The following ARHGAP1 variants were observed in gnomAD, a reference collection of about 807,000 sequenced individuals.
ARHGAP1 encodes rho GTPase-activating protein 1.
In ARHGAP1, 23 loss-of-function variants were observed where a neutral mutation model predicts 52.2. The ratio of observed to expected loss-of-function variants is 0.44; its 90% CI spans 0.32 to 0.62. The LOEUF (loss-of-function observed/expected upper bound fraction) is 0.62, where lower values mean the gene tolerates loss of function less well. Ranked by LOEUF, ARHGAP1 falls within the 20% of genes least tolerant of loss-of-function variation. ARHGAP1 has a pLI of 0.05. For synonymous variants in ARHGAP1, 210 were observed against 228.4 expected, an observed-to-expected ratio of 0.92 and a Z score of 0.73; for missense variants, 480 against 560.9, an observed-to-expected ratio of 0.86 and a Z score of 1.46.
chr11:46,690,256 G>A (rs1394097963), intron 3 of ARHGAP1, among the ~76,000 whole-genome samples: 2 of 151,958 alleles, frequency 1.3e-5, no homozygotes, highest in Non-Finnish European at 2.9e-5. Flanking sequence ...GTGTGGTGGC[G>A]GGCACCTGTA....
intron 3 of ARHGAP1, among the ~76,000 whole-genome samples, chr11:46,691,006 C>A (rs2064610127): frequency 6.6e-6 from 1 of 152,136 alleles, no homozygotes. Context: ...TTTAGCCTCC[C>A]ATGTCCTGAG....
Position 46,681,406 on chromosome 11 carries a change from G to A in ARHGAP1, c.450-27C>T. 1.3e-6 allele frequency: 2 copies of A among 1,558,812 alleles called. No homozygotes were observed. Among genetic ancestry groups the A allele is most frequent in the African/African-American group, 2.7e-5 (2 of 73,780 alleles). On this transcript the variant is annotated intron_variant, in intron 5 of 12. Transcript: ENST00000311956. This position sits in a 1 kb window ranked among gnomAD's most constrained non-coding sequence, Gnocchi z 5.7. ...TGCAGAGACAGAATGGACAACTCAG[G>A]AGCAGGCGTGGTGGGACAGGTGCCA...
At position 46,682,079 on chromosome 11, in the gene ARHGAP1, G is replaced by T. The variant is rs1341316225; in HGVS notation, c.421C>A (p.Arg141Ser). The T allele has an allele frequency of 6.2e-7, 1 of 1,614,034 alleles. No homozygotes were observed. The highest frequency in any genetic ancestry group is 1.7e-5 in the Admixed American group (1 of 60,004). Residue 141 changes from arginine to serine, a missense_variant, in exon 5 of 13, where the codon CGT (arginine) becomes AGT (serine). Physicochemically the swap from Arg to Ser is moderately radical, Grantham distance 110. Transcript: ENST00000311956. ...SDNKPSLSWL[R>S]DAYREFDRKY... is the part of the protein sequence containing the mutation. ...CGGTCAAACTCCCGGTAGGCATCACGGAGCCAGCTGAGGGAGGGCTTGTTG... is the reference window on the plus strand; with the variant it reads ...CGGTCAAACTCCCGGTAGGCATCACTGAGCCAGCTGAGGGAGGGCTTGTTG...
At chr11:46,688,027 A>G (rs2064584528) in intron 4 of ARHGAP1, 146 bp downstream of exon 4, 1 of 743,178 alleles carries the variant, frequency 1.3e-6, no homozygotes, top group Non-Finnish European at 2.2e-6. Flanking sequence ...TCCCCTAAAT[A>G]TAAACCAGCT....
intron 4 of ARHGAP1, among the ~76,000 whole-genome samples, chr11:46,684,385 C>T (rs1281772514): frequency 2.0e-5 from 3 of 152,134 alleles, no homozygotes; most frequent in African/African-American, 7.2e-5. Flanking sequence ...CTCTCTGACC[C>T]TGTAAAAATA....
intron 3 of ARHGAP1, among the ~76,000 whole-genome samples, chr11:46,691,998 A>G (rs2064618386): frequency 6.6e-6 from 1 of 152,202 alleles, no homozygotes; most frequent in Admixed American, 6.5e-5. Flanking sequence ...AGAATCCTCT[A>G]CCAGCTTGTC....
intron 3 of ARHGAP1, among the ~76,000 whole-genome samples, chr11:46,689,526 T>C (rs1386601958): frequency 6.6e-6 from 1 of 152,168 alleles, no homozygotes; most frequent in African/African-American, 2.4e-5. Context: ...TATGTGATTC[T>C]TATCTCAAAT....
intron 4 of ARHGAP1, among the ~76,000 whole-genome samples, chr11:46,686,577 G>A (rs1022861763): frequency 6.6e-6 from 1 of 151,946 alleles, no homozygotes; most frequent in Non-Finnish European, 1.5e-5. Flanking sequence ...CACCACGCCT[G>A]GCTAATCTTT....
rs996774309 is a variant in ARHGAP1, at chr11:46,696,974, T to C, written c.-49-818A>G. On this transcript the variant is annotated intron_variant, in intron 1 of 12. Coordinates refer to ENST00000311956, the MANE Select transcript of ARHGAP1 (RefSeq NM_004308.5). The surrounding 1 kb of genome is among the most constrained non-coding windows in gnomAD (Gnocchi z 4.8). The stretch of plus-strand genomic sequence containing the variant: ...GGGATGTGGAATCGCCTGCCAGTCA[T>C]TGCAGACAGTCTGCAGGCTCCTAGG... The C allele has an allele frequency of 5.9e-5, 9 of 152,258 alleles. No individual in the cohort carries two copies. Among genetic ancestry groups the C allele is most frequent in the African/African-American group, 1.7e-4 (7 of 41,448 alleles). The allele number at this position is 152,258 out of a possible 1,614,324, so 9.4% of individuals were successfully genotyped here.
chr11:46,691,420 G>T (rs1262711343), intron 3 of ARHGAP1, among the ~76,000 whole-genome samples: 1 of 151,588 alleles, frequency 6.6e-6, no homozygotes, highest in East Asian at 1.9e-4. Context: ...AAGTAGCAGG[G>T]ACTACAGGCA....
chr11:46,700,391 C>T (rs1468067777), intron 1 of ARHGAP1, among the ~76,000 whole-genome samples, 160 bp downstream of exon 1: 2 of 152,214 alleles, frequency 1.3e-5, no homozygotes, highest in Admixed American at 6.5e-5. Flanking sequence ...GGGCAGAAAC[C>T]CTGCAGGAAG....
rs1169122196 is a variant in ARHGAP1 at position 46,679,501 on chromosome 11, C to T, written c.1028-33G>A. 1.7e-5 allele frequency: 28 copies of T among 1,611,638 alleles called. No individual in the cohort carries two copies. The highest frequency in any genetic ancestry group is 2.1e-5 in the Non-Finnish European group (25 of 1,178,262). Reference sequence around the variant, plus strand: ...GAAAGGAGGCCCGGGTTATAGGGGCCCTAGGCTGGGCTGGTTCAGGACGCT... The same window carrying T: ...GAAAGGAGGCCCGGGTTATAGGGGCTCTAGGCTGGGCTGGTTCAGGACGCT... On this transcript the variant is annotated intron_variant, in intron 11 of 12. Coordinates refer to ENST00000311956, the MANE Select transcript of ARHGAP1 (RefSeq NM_004308.5). The surrounding 1 kb of genome is among the most constrained non-coding windows in gnomAD (Gnocchi z 4.4).
rs1249475417 is a variant in ARHGAP1, at chr11:46,680,628, TTTCA to T, written c.743+8_743+11del. ...CCCGCCCCGCCGTGGCCCAGCCACCTTTCATACTTACTGCTGCAGCGAGACTCCA... is the reference window on the plus strand; with the variant it reads ...CCCGCCCCGCCGTGGCCCAGCCACCTTACTTACTGCTGCAGCGAGACTCCA... On this transcript the variant is annotated splice_region_variant and intron_variant, in intron 8 of 12. Coordinates refer to ENST00000311956, the MANE Select transcript of ARHGAP1 (RefSeq NM_004308.5). The surrounding 1 kb of genome is among the most constrained non-coding windows in gnomAD (Gnocchi z 5.9). The T allele has an allele frequency of 6.2e-7, 1 of 1,613,690 alleles. No individual in the cohort carries two copies. The highest frequency in any genetic ancestry group is 2.2e-5 in the East Asian group (1 of 44,872).
intron 4 of ARHGAP1, among the ~76,000 whole-genome samples, chr11:46,683,802 A>C (rs1206600227): frequency 2.0e-5 from 3 of 152,094 alleles, no homozygotes; most frequent in African/African-American, 7.2e-5. Flanking sequence ...CACCACGCCC[A>C]GCTAATTTTG....
rs929772768 is a variant in ARHGAP1, at chr11:46,681,775, C to T, written c.449+276G>A. 1.3e-5 allele frequency among the ~76,000 whole-genome samples: 2 copies of T among 152,118 alleles called. No homozygotes were observed. Among genetic ancestry groups the T allele is most frequent in the Admixed American group, 6.6e-5 (1 of 15,264 alleles). Reference sequence around the variant, plus strand: ...GATTTGAACATGCATGGCCAGCATGCGAGGTAAGGGCCATCACTGTCTCAT... The same window carrying T: ...GATTTGAACATGCATGGCCAGCATGTGAGGTAAGGGCCATCACTGTCTCAT... On this transcript the variant is annotated intron_variant, in intron 5 of 12. Coordinates refer to ENST00000311956, the MANE Select transcript of ARHGAP1 (RefSeq NM_004308.5). This position sits in a 1 kb window ranked among gnomAD's most constrained non-coding sequence, Gnocchi z 5.7.
chr11:46,682,884 T>G (rs1234438749), intron 4 of ARHGAP1, among the ~76,000 whole-genome samples: 1 of 152,174 alleles, frequency 6.6e-6, no homozygotes, highest in African/African-American at 2.4e-5. Flanking sequence ...TGCCAAGCAC[T>G]TCACATACAT....
rs1592381463 is a variant in ARHGAP1, at chr11:46,677,933, A to T, written c.*1104T>A. On this transcript the variant is annotated 3_prime_UTR_variant, in exon 13 of 13. Transcript: ENST00000311956. ...CACTCCAGCCTGGTGACAGAGCGAG[A>T]CTCCATCTCAGAAAAAAAAAAAAAA... The T allele has an allele frequency of 2.3e-6, 1 of 429,838 alleles. No individual in the cohort carries two copies. Among genetic ancestry groups the T allele is most frequent in the Non-Finnish European group, 4.6e-6 (1 of 218,428 alleles). 26.6% of individuals were successfully genotyped at this position (429,838 alleles called of 1,614,324 possible). A position where few individuals can be genotyped will look rare whatever the true frequency, so the allele number is the denominator to read the frequency against.
chr11:46,696,375 G>A lies in ARHGAP1; in HGVS notation c.-49-219C>T, dbSNP rs1332066228. On this transcript the variant is annotated intron_variant, in intron 1 of 12. Transcript: ENST00000311956. This position sits in a 1 kb window ranked among gnomAD's most constrained non-coding sequence, Gnocchi z 4.8. ...AGAAAAGGCAGCTGGGGCAGAGGAT[G>A]GCACAGCTCAGCGCCTCCCTCCAGG... Among the ~76,000 whole-genome samples the A allele has an allele frequency of 6.6e-6, 1 of 152,160 alleles. No individual in the cohort carries two copies. The highest frequency in any genetic ancestry group is 1.5e-5 in the Non-Finnish European group (1 of 68,016).
chr11:46,694,242 C>T (rs2064635787), intron 3 of ARHGAP1, among the ~76,000 whole-genome samples: 1 of 152,116 alleles, frequency 6.6e-6, no homozygotes, highest in African/African-American at 2.4e-5. Context: ...CACAGCCTCC[C>T]CCACCCCCAT....
Sources: gnomAD v4.1 joint callset for allele counts (sites outside exome capture counted in the v4.1 genomes callset) on GRCh38, gnomAD v4.1.1 for gene constraint, Gnocchi (gnomAD v3.1) non-coding constraint, MANE v1.5 for transcripts, NCBI Gene and HGNC (gene_info 2026-07-23, HGNC 2026-07-21) for gene names.